Variants in WDFY1 observed in about 807,000 individuals in gnomAD.
The protein encoded by WDFY1 is WD repeat and FYVE domain containing 1.
A neutral mutation model predicts 56.4 loss-of-function variants in WDFY1; 32 were observed. That is an observed-to-expected ratio of 0.57 (90% confidence interval 0.43 to 0.76). WDFY1 has a LOEUF of 0.76. WDFY1 is among the 30% of genes least tolerant of loss of function. The pLI is 0.00. For synonymous variants in WDFY1, 192 were observed against 197.3 expected (o/e 0.97, Z 0.23); for missense variants, 480 against 545.7 (o/e 0.88, Z 1.20).
intron 9 of WDFY1, among the ~76,000 whole-genome samples, 159 bp from the exon 10 acceptor site, chr2:223,882,231 C>T (rs1410467797): frequency 6.6e-6 from 1 of 152,180 alleles, no homozygotes; most frequent in East Asian, 1.9e-4. Flanking sequence ...TCTCCTGCCT[C>T]AGCCTCCCAA....
At chr2:223,925,140 T>C (rs1246094882) in intron 1 of WDFY1, among the ~76,000 whole-genome samples, 2 of 151,640 alleles carry the variant, frequency 1.3e-5, no homozygotes, top group Non-Finnish European at 2.9e-5. Context: ...CAATAGCTTA[T>C]ATAATCATTA....
intron 1 of WDFY1, among the ~76,000 whole-genome samples, chr2:223,942,774 A>G: frequency 7.6e-6 from 1 of 131,588 alleles, no homozygotes; most frequent in African/African-American, 2.9e-5. Context: ...TGACCTCATG[A>G]TCCACCCGCC....
Position 223,880,237 on chromosome 2 carries a change from CAA to C in WDFY1, c.1065-7_1065-6del, listed in dbSNP as rs766937281. 1.9e-6 allele frequency: 3 copies of C among 1,613,322 alleles called. No individual in the cohort carries two copies. Among genetic ancestry groups the C allele is most frequent in the African/African-American group, 2.7e-5 (2 of 74,870 alleles). On this transcript the variant is annotated splice_polypyrimidine_tract_variant and splice_region_variant and intron_variant, in intron 10 of 11. Coordinates refer to ENST00000233055, the MANE Select transcript of WDFY1 (RefSeq NM_020830.5). ...AAGGTCGCTAGAGAAGTCCGACTAACAAGAGAAAAGAGATCACTGAAAATTTA... is the reference window on the plus strand; with the variant it reads ...AAGGTCGCTAGAGAAGTCCGACTAACGAGAAAAGAGATCACTGAAAATTTA...
At chr2:223,890,246 T>C (rs969303126) in intron 8 of WDFY1, among the ~76,000 whole-genome samples, 4 of 152,070 alleles carry the variant, frequency 2.6e-5, no homozygotes, top group African/African-American at 9.7e-5. Flanking sequence ...CTGAGGCAGG[T>C]GGATCACTTG....
chr2:223,928,396 G>A (rs1441946574), intron 1 of WDFY1, among the ~76,000 whole-genome samples: 3 of 152,150 alleles, frequency 2.0e-5, no homozygotes, highest in African/African-American at 7.2e-5. Flanking sequence ...AGAAGGGGAG[G>A]AGAAGAGAAC....
At chr2:223,886,141 C>T (rs1693170932) in intron 8 of WDFY1, among the ~76,000 whole-genome samples, 1 of 151,800 alleles carries the variant, frequency 6.6e-6, no homozygotes, top group Non-Finnish European at 1.5e-5. Context: ...GTCAGGAGTT[C>T]AAGCCTGGCC....
At position 223,945,224 on chromosome 2, in the gene WDFY1, C is replaced by G; in HGVS notation, c.61G>C (p.Glu21Gln). 3 of 1,598,112 alleles carry G rather than the reference C, an allele frequency of 1.9e-6. No individual in the cohort carries two copies. The highest frequency in any genetic ancestry group is 2.6e-6 in the Non-Finnish European group (3 of 1,175,356). The change falls in exon 1 of 12, where the codon GAG (glutamate) becomes CAG (glutamine). Residue 21 changes from glutamate to glutamine, a missense_variant. Physicochemically the swap from Glu to Gln is conservative, Grantham distance 29 (BLOSUM62 2). Transcript: ENST00000233055. ...SSRPVLLSKI[E>Q]GHQDAVTAAL... ...GCCGTGACGGCGTCCTGGTGCCCCT[C>G]GATCTTGCTCAGCAGCACCGGGCGG... is the stretch of plus-strand genomic sequence containing the variant.
chr2:223,933,179 T>C (rs114116290), intron 1 of WDFY1, among the ~76,000 whole-genome samples: 42 of 152,128 alleles, frequency 2.8e-4, no homozygotes, highest in African/African-American at 9.4e-4. Flanking sequence ...GAAATTTCCA[T>C]CCCCTCCCAC....
At chr2:223,926,619 G>A (rs766277540) in intron 1 of WDFY1, among the ~76,000 whole-genome samples, 1 of 151,176 alleles carries the variant, frequency 6.6e-6, no homozygotes, top group Non-Finnish European at 1.5e-5. Flanking sequence ...ACATATATAT[G>A]TGTGTGTATT....
chr2:223,881,826 G>A, intron 10 of WDFY1, 116 bp downstream of exon 10: 1 of 1,387,632 alleles, frequency 7.2e-7, no homozygotes, highest in Non-Finnish European at 9.7e-7. Context: ...AGGAAATTCA[G>A]GAGAAACAAA....
chr2:223,942,223 CTT>C (rs777737121), intron 1 of WDFY1, among the ~76,000 whole-genome samples: 1 of 146,570 alleles, frequency 6.8e-6, no homozygotes, highest in Admixed American at 6.8e-5. Context: ...AGGCTGCTAA[CTT>C]TTTTTTTTTT....
chr2:223,922,249 C>T (rs770011595), intron 1 of WDFY1, among the ~76,000 whole-genome samples: 4 of 152,216 alleles, frequency 2.6e-5, no homozygotes, highest in East Asian at 1.9e-4. Context: ...ATAACTTCTT[C>T]ATCTAAAAGA....
rs1178525750 is a variant in WDFY1, at chr2:223,877,661, A to G, written c.*1010T>C. On this transcript the variant is annotated 3_prime_UTR_variant, in exon 12 of 12. Coordinates refer to ENST00000233055, the MANE Select transcript of WDFY1 (RefSeq NM_020830.5). ...GTCACTAACTTCTTTTTATGAAAAC[A>G]TGAATAATACTAGTTATAACTCAAA... The G allele has an allele frequency of 6.6e-6, 1 of 152,366 alleles. No individual in the cohort carries two copies. Among genetic ancestry groups the G allele is most frequent in the East Asian group, 1.9e-4 (1 of 5,206 alleles). 9.4% of individuals were successfully genotyped at this position (152,366 alleles called of 1,614,324 possible). A position where few individuals can be genotyped will look rare whatever the true frequency, so the allele number is the denominator to read the frequency against.
At chr2:223,918,500 G>A (rs1242929051) in intron 1 of WDFY1, among the ~76,000 whole-genome samples, 4 of 151,916 alleles carry the variant, frequency 2.6e-5, no homozygotes, top group African/African-American at 7.3e-5. Context: ...GCATGGTGGC[G>A]GGCACCTGTA....
chr2:223,938,783 G>T lies in WDFY1; in HGVS notation c.137+6365C>A, dbSNP rs1243750976. On this transcript the variant is annotated intron_variant, in intron 1 of 11. Coordinates refer to ENST00000233055, the MANE Select transcript of WDFY1 (RefSeq NM_020830.5). ...CAGTTTGATTACAGTGAACTAGGTG[G>T]CTATCTGTGAATGACCCCAGGTAAA... is the stretch of plus-strand genomic sequence containing the variant. Among the ~76,000 whole-genome samples the T allele has an allele frequency of 4.0e-5, 6 of 151,852 alleles. No homozygotes were observed. The East Asian group carries it at 1.2e-3, about 29-fold the overall frequency.
intron 6 of WDFY1, among the ~76,000 whole-genome samples, chr2:223,896,257 C>T (rs1236314442): frequency 7.3e-6 from 1 of 137,882 alleles, no homozygotes; most frequent in African/African-American, 2.8e-5. Flanking sequence ...AGCTTACATA[C>T]AAAATGTTCA....
At chr2:223,913,779 A>G (rs1488472973) in intron 2 of WDFY1, among the ~76,000 whole-genome samples, 1 of 152,122 alleles carries the variant, frequency 6.6e-6, no homozygotes, top group East Asian at 1.9e-4. Flanking sequence ...TTGTGTAAAA[A>G]TTACAAAGTG....
chr2:223,941,883 C>T (rs975193979), intron 1 of WDFY1, among the ~76,000 whole-genome samples: 26 of 152,224 alleles, frequency 1.7e-4, no homozygotes, highest in Admixed American at 1.3e-3. Flanking sequence ...AAAAAACCCA[C>T]GCCCATGTGC....
Position 223,901,290 on chromosome 2 carries a change from T to C in WDFY1, c.378A>G (p.Thr126=), listed in dbSNP as rs1213241546. The C allele has an allele frequency of 1.5e-5, 24 of 1,614,152 alleles. No homozygotes were observed. Among genetic ancestry groups the C allele is most frequent in the Non-Finnish European group, 1.9e-5 (22 of 1,180,018 alleles). Residue 126 remains threonine, a synonymous_variant, in exon 5 of 12, where the codon ACA becomes ACG. Transcript: ENST00000233055. ...RVSAIIFSLA[T]EWVISTGHDK... ...CGTGGCCGGTACTGATCACCCACTCTGTGGCCAAGCTGAAGATAATCGCAG... is the reference window on the plus strand; with the variant it reads ...CGTGGCCGGTACTGATCACCCACTCCGTGGCCAAGCTGAAGATAATCGCAG...
Sources: allele counts gnomAD v4.1 joint callset (sites outside exome capture counted in the v4.1 genomes callset), GRCh38; gene constraint gnomAD v4.1.1; transcripts MANE v1.5; gene names NCBI Gene and HGNC (gene_info 2026-07-23, HGNC 2026-07-21).